Variants in HAO2 observed in about 807,000 individuals in gnomAD.
The protein encoded by HAO2 is hydroxyacid oxidase 2.
Under a neutral mutation model 37.4 loss-of-function variants are expected in HAO2, and 42 were observed. That is an observed-to-expected ratio of 1.12 (90% CI 0.88 to 1.45). HAO2 has a LOEUF of 1.45. Ranked by LOEUF, HAO2 falls within the 40% of genes most tolerant of loss-of-function variation. HAO2 has a pLI of 0.00. For synonymous variants in HAO2, 180 were observed against 162.8 expected (o/e 1.11, Z -0.81); for missense variants, 476 against 430.2 (o/e 1.11, Z -0.94).
intron 1 of HAO2, among the ~76,000 whole-genome samples, 177 bp from the exon 2 acceptor site, chr1:119,380,901 C>T (rs1171756943): frequency 6.6e-6 from 1 of 152,158 alleles, no homozygotes; most frequent in Non-Finnish European, 1.5e-5. Flanking sequence ...TGGACGATTA[C>T]TCTCTGACTT....
intron 4 of HAO2, chr1:119,385,763 G>C (rs898613682): frequency 1.0e-6 from 1 of 985,228 alleles, no homozygotes; most frequent in Non-Finnish European, 1.2e-6. Flanking sequence ...GTGGGCAACT[G>C]TGACACCAAG....
At chr1:119,379,430 G>A (rs1203906484) in intron 1 of HAO2, among the ~76,000 whole-genome samples, 1 of 152,180 alleles carries the variant, frequency 6.6e-6, no homozygotes, top group Non-Finnish European at 1.5e-5. Context: ...ATCTCTGGAA[G>A]AATAAAATTC....
chr1:119,380,351 A>G (rs1222068933), intron 1 of HAO2, among the ~76,000 whole-genome samples: 1 of 152,152 alleles, frequency 6.6e-6, no homozygotes, highest in Non-Finnish European at 1.5e-5. Context: ...GCCAACATAC[A>G]TTGTTTCTCA....
At chr1:119,388,186 A>T (rs1650539933) in intron 5 of HAO2, among the ~76,000 whole-genome samples, 1 of 152,212 alleles carries the variant, frequency 6.6e-6, no homozygotes, top group African/African-American at 2.4e-5. Context: ...GTATTTAGCA[A>T]AACAGAGAAA....
At chr1:119,392,392 A>C (rs1650984046) in intron 6 of HAO2, 124 bp downstream of exon 6, 1 of 839,992 alleles carries the variant, frequency 1.2e-6, no homozygotes, top group Non-Finnish European at 1.9e-6. Context: ...AGTTACACCT[A>C]AGCTGCATCT....
intron 5 of HAO2, among the ~76,000 whole-genome samples, chr1:119,391,011 G>A (rs910898282): frequency 6.6e-6 from 1 of 152,070 alleles, no homozygotes; most frequent in African/African-American, 2.4e-5. Context: ...ATACCATGCT[G>A]GGACTATAAA....
intron 5 of HAO2, 120 bp downstream of exon 5, chr1:119,386,951 TG>T: frequency 1.5e-6 from 1 of 682,898 alleles, no homozygotes; most frequent in East Asian, 2.6e-5. Flanking sequence ...GTACCACATG[TG>T]TTGGTATGTA....
At chr1:119,370,303 G>A (rs887346954) in intron 1 of HAO2, 4 of 152,262 alleles carry the variant, frequency 2.6e-5, no homozygotes, top group African/African-American at 9.6e-5. Flanking sequence ...CTGGCTGAGA[G>A]TGTGTGTCAA....
At chr1:119,379,314 T>G (rs1181227490) in intron 1 of HAO2, among the ~76,000 whole-genome samples, 1 of 152,134 alleles carries the variant, frequency 6.6e-6, no homozygotes, top group Non-Finnish European at 1.5e-5. Flanking sequence ...CCACATTGTT[T>G]ATACAAACAG....
At chr1:119,385,180 C>T (rs587755546) in intron 4 of HAO2, 127 bp downstream of exon 4, 239 of 1,426,204 alleles carry the variant, frequency 1.7e-4, no homozygotes, top group Admixed American at 4.0e-4. Context: ...CCAGACACTG[C>T]GGATAAAGCA....
chr1:119,380,756 A>T lies in HAO2; in HGVS notation c.-8-322A>T, dbSNP rs368542499. On this transcript the variant is annotated intron_variant, in intron 1 of 7. Transcript: ENST00000325945. ...ACAAAAATAAGAATTTTTTGTAATA[A>T]GCTTTTAAGAAGTGGTGGGGCCTCA... 3.5e-6 allele frequency: 5 copies of T among 1,437,896 alleles called. No individual in the cohort carries two copies. In the African/African-American group the frequency reaches 7.0e-5, roughly 20 times the overall value. The allele number at this position is 1,437,896 out of a possible 1,614,324, so 89.1% of individuals were successfully genotyped here.
intron 5 of HAO2, 66 bp downstream of exon 5, chr1:119,386,897 C>T: frequency 1.1e-6 from 1 of 944,718 alleles, no homozygotes; most frequent in Non-Finnish European, 1.7e-6. Flanking sequence ...TGAGTGTGTC[C>T]ACATCAAGGG....
rs1218742171 is a variant in HAO2, at chr1:119,386,659, G to A, written c.599G>A (p.Ser200Asn). ...CCTTATTTCCAGATGACTCCTATCA[G>A]CACTTCTCTCTGCTGGAATGATCTC... is the stretch of plus-strand genomic sequence containing the variant. ...AIPYFQMTPI[S>N]TSLCWNDLSW... is the part of the protein sequence containing the mutation. Residue 200 changes from serine to asparagine, a missense_variant, in exon 5 of 8, where the codon AGC (serine) becomes AAC (asparagine). Coordinates refer to ENST00000325945, the MANE Select transcript of HAO2 (RefSeq NM_016527.4). The A allele has an allele frequency of 6.2e-7, 1 of 1,612,356 alleles. No homozygotes were observed.
intron 5 of HAO2, among the ~76,000 whole-genome samples, chr1:119,391,329 G>C (rs1345096285): frequency 6.6e-6 from 1 of 152,084 alleles, no homozygotes; most frequent in Non-Finnish European, 1.5e-5. Flanking sequence ...GATCCATAAG[G>C]GGCCTGTTTG....
chr1:119,382,940 A>G lies in HAO2; in HGVS notation c.157A>G (p.Arg53Gly). ...AATTCGCCTCCGTCCGCGGTACCTG[A>G]GAGATGTGTCTGAGGTGGACACCAG... ...KRIRLRPRYL[R>G]DVSEVDTRTT... The change falls in exon 3 of 8, where the codon AGA (arginine) becomes GGA (glycine). Residue 53 changes from arginine (R) to glycine (G), a missense_variant. Physicochemically the swap from Arg to Gly is moderately radical, Grantham distance 125. Transcript: ENST00000325945. The G allele has an allele frequency of 6.2e-7, 1 of 1,613,722 alleles. No individual in the cohort carries two copies. Among genetic ancestry groups the G allele is most frequent in the Non-Finnish European group, 8.5e-7 (1 of 1,179,736 alleles).
chr1:119,378,195 A>G (rs1299751382), intron 1 of HAO2, among the ~76,000 whole-genome samples: 2 of 152,170 alleles, frequency 1.3e-5, no homozygotes, highest in Non-Finnish European at 2.9e-5. Context: ...ACATGAGTCC[A>G]GAACCAACTG....
chr1:119,371,354 C>T (rs1033771641), intron 1 of HAO2, among the ~76,000 whole-genome samples: 1 of 152,140 alleles, frequency 6.6e-6, no homozygotes, highest in Non-Finnish European at 1.5e-5. Flanking sequence ...AATGGAATAA[C>T]GTATAGAAGA....
At chr1:119,389,145 T>TATATATATAC (rs1385919200) in intron 5 of HAO2, among the ~76,000 whole-genome samples, 6 of 59,994 alleles carry the variant, frequency 1.0e-4, no homozygotes, top group African/African-American at 3.2e-4. Context: ...ATCATATATA[T>TATATATATAC]ATATATATAT....
intron 3 of HAO2, among the ~76,000 whole-genome samples, chr1:119,384,290 A>C (rs1235193833): frequency 6.6e-6 from 1 of 152,226 alleles, no homozygotes; most frequent in Non-Finnish European, 1.5e-5. Flanking sequence ...ACAGATAAAG[A>C]AAATGAGAGA....
Sources: allele counts gnomAD v4.1 joint callset (sites outside exome capture counted in the v4.1 genomes callset), GRCh38; gene constraint gnomAD v4.1.1; transcripts MANE v1.5; gene names NCBI Gene and HGNC (gene_info 2026-07-23, HGNC 2026-07-21).